The following MICAL3 variants were observed in gnomAD, a reference collection of about 807,000 sequenced individuals.
The protein encoded by MICAL3 is [F-actin]-monooxygenase MICAL3.
In MICAL3, 62 loss-of-function variants were observed where a neutral mutation model predicts 207.4. The observed-to-expected ratio is 0.30, with a 90% CI of 0.24 to 0.37. MICAL3 has a LOEUF of 0.37. MICAL3 is among the 10% of genes least tolerant of loss of function. MICAL3 has a pLI of 1.00. For synonymous variants in MICAL3, 1,077 were observed against 1,069.3 expected (o/e 1.01, Z -0.14); for missense variants, 2,368 against 2,635.6 (o/e 0.90, Z 2.22).
chr22:18,012,624 A>C (rs1923818959), intron 1 of MICAL3, among the ~76,000 whole-genome samples: 1 of 152,240 alleles, frequency 6.6e-6, no homozygotes, highest in African/African-American at 2.4e-5. Flanking sequence ...CTCCTCCTGC[A>C]GGAGCACCTT....
chr22:17,912,609 T>C (rs1032995581), intron 1 of MICAL3, among the ~76,000 whole-genome samples: 5 of 152,232 alleles, frequency 3.3e-5, no homozygotes, highest in African/African-American at 9.6e-5. Context: ...ATTATTTTCA[T>C]CATTTCCTTT....
chr22:17,903,714 C>T (rs1052582812), intron 3 of MICAL3, among the ~76,000 whole-genome samples: 4 of 152,164 alleles, frequency 2.6e-5, no homozygotes, highest in Non-Finnish European at 5.9e-5. Context: ...CAAACTATAG[C>T]CAGCAGATGG....
At chr22:17,883,671 A>C (rs1324030108) in intron 16 of MICAL3, among the ~76,000 whole-genome samples, 1 of 152,184 alleles carries the variant, frequency 6.6e-6, no homozygotes, top group Non-Finnish European at 1.5e-5. Context: ...CACCTGCCCT[A>C]TTCTGTACTA....
chr22:17,976,952 G>A (rs1028102546), intron 1 of MICAL3, among the ~76,000 whole-genome samples: 1 of 151,712 alleles, frequency 6.6e-6, no homozygotes, highest in Non-Finnish European at 1.5e-5. Flanking sequence ...GACTACAGGC[G>A]CCCGCCACCA....
chr22:17,987,848 G>C (rs1369975431), intron 1 of MICAL3, among the ~76,000 whole-genome samples: 1 of 152,202 alleles, frequency 6.6e-6, no homozygotes, highest in Non-Finnish European at 1.5e-5. Context: ...AGCAAATGGG[G>C]TCAAACGATC....
At chr22:18,022,730 C>T (rs1338772429) in intron 1 of MICAL3, among the ~76,000 whole-genome samples, 5 of 152,068 alleles carry the variant, frequency 3.3e-5, no homozygotes, top group African/African-American at 1.2e-4. Flanking sequence ...CGCCCAGCCC[C>T]CTCTTCTGCT....
intron 19 of MICAL3, chr22:17,863,082 C>T: frequency 1.0e-6 from 1 of 985,406 alleles, no homozygotes; most frequent in East Asian, 1.1e-4. Flanking sequence ...TCCTCTTATT[C>T]TCTATGGAAA....
intron 8 of MICAL3, 24 bp downstream of exon 8, chr22:17,896,700 A>T (rs769917418): frequency 6.8e-6 from 11 of 1,608,300 alleles, no homozygotes; most frequent in Non-Finnish European, 8.5e-6. Context: ...CCTACCACAG[A>T]GTGCTGCCAT....
At chr22:17,988,515 C>T (rs1393336737) in intron 1 of MICAL3, among the ~76,000 whole-genome samples, 11 of 152,324 alleles carry the variant, frequency 7.2e-5, no homozygotes, top group South Asian at 4.1e-4. Flanking sequence ...AGTGCAGTGA[C>T]GCGATCTTGG....
chr22:18,000,856 G>A (rs1387918219), intron 1 of MICAL3, among the ~76,000 whole-genome samples: 1 of 152,218 alleles, frequency 6.6e-6, no homozygotes, highest in African/African-American at 2.4e-5. Context: ...GGCCGGGGCA[G>A]CGGGACGGGG....
At chr22:17,958,696 G>GTTTTTTT in intron 1 of MICAL3, among the ~76,000 whole-genome samples, 1 of 126,354 alleles carries the variant, frequency 7.9e-6, no homozygotes. Context: ...TGAGTTGTTG[G>GTTTTTTT]GTTTTTTTAT....
intron 1 of MICAL3, among the ~76,000 whole-genome samples, chr22:17,993,633 G>GC (rs1205124336): frequency 1.3e-5 from 2 of 151,862 alleles, no homozygotes; most frequent in African/African-American, 4.8e-5. Flanking sequence ...TGTCTTAAGT[G>GC]CCCCCCGGGA....
At chr22:17,813,384 G>T (rs543970800) in intron 27 of MICAL3, 1 of 152,328 alleles carries the variant, frequency 6.6e-6, no homozygotes, top group African/African-American at 2.4e-5. Context: ...GCTCCCTGTT[G>T]CTCCATCCAT....
chr22:17,862,897 A>T lies in MICAL3; in HGVS notation c.2605+2002T>A, dbSNP rs923252638. The T allele has an allele frequency of 6.1e-6, 6 of 985,288 alleles. No homozygotes were observed. The African/African-American group carries it at 1.0e-4, about 17-fold the overall frequency. 61.0% of individuals were successfully genotyped at this position (985,288 alleles called of 1,614,324 possible). On this transcript the variant is annotated intron_variant, in intron 19 of 31. Transcript: ENST00000441493. ...ATTAACTGTAAAGGTCCACACTGTG[A>T]TTCCTTTGGGACACCACATTTTGAA...
In MICAL3 at chr22:17,841,721, CAGG is replaced by C; in HGVS notation, c.2801+98_2801+100del. On this transcript the variant is annotated intron_variant, in intron 20 of 31. Coordinates refer to ENST00000441493, the MANE Select transcript of MICAL3 (RefSeq NM_015241.3). This position sits in a 1 kb window ranked among gnomAD's most constrained non-coding sequence, Gnocchi z 4.2. ...AATGGACTGCGGGCAGCAGGAAAGA[CAGG>C]AGGCCTCCCTTCACTGAGAAGAAAC... The C allele has an allele frequency of 8.0e-7, 1 of 1,244,492 alleles. No individual in the cohort carries two copies. Among genetic ancestry groups the C allele is most frequent in the Non-Finnish European group, 1.1e-6 (1 of 888,626 alleles). 77.1% of individuals were successfully genotyped at this position (1,244,492 alleles called of 1,614,324 possible). A position where few individuals can be genotyped will look rare whatever the true frequency, so the allele number is the denominator to read the frequency against.
chr22:17,823,128 G>A (rs1443564838), intron 22 of MICAL3, 68 bp from the exon 23 acceptor site: 2 of 1,068,028 alleles, frequency 1.9e-6, no homozygotes, highest in Non-Finnish European at 1.4e-6. Flanking sequence ...ATCTTCACGG[G>A]GGCGAGAGGT....
chr22:17,879,468 A>G, intron 16 of MICAL3: 1 of 1,390,786 alleles, frequency 7.2e-7, no homozygotes, highest in Non-Finnish European at 9.9e-7. Context: ...ACTAAACGAC[A>G]GTGGGAAATT....
chr22:17,830,292 C>T (rs960176276), intron 21 of MICAL3, among the ~76,000 whole-genome samples: 6 of 152,306 alleles, frequency 3.9e-5, no homozygotes, highest in South Asian at 2.1e-4. Flanking sequence ...GACACACCTG[C>T]GCTAGGGACA....
intron 16 of MICAL3, among the ~76,000 whole-genome samples, chr22:17,882,293 T>C (rs1341287136): frequency 1.3e-5 from 2 of 152,202 alleles, no homozygotes; most frequent in African/African-American, 4.8e-5. Flanking sequence ...TTCCATATGA[T>C]GACCTAGGCT....
Sources: gnomAD v4.1 joint callset for allele counts (sites outside exome capture counted in the v4.1 genomes callset) on GRCh38, gnomAD v4.1.1 for gene constraint, Gnocchi (gnomAD v3.1) non-coding constraint, MANE v1.5 for transcripts, NCBI Gene and HGNC (gene_info 2026-07-23, HGNC 2026-07-21) for gene names.